Variants in CTNNA3 observed in about 807,000 individuals in gnomAD.
CTNNA3 encodes catenin alpha 3.
A neutral mutation model predicts 95.7 loss-of-function variants in CTNNA3; 76 were observed. That is an observed-to-expected ratio of 0.79 (90% CI 0.66 to 0.96). The LOEUF is 0.96. CTNNA3 is among the 40% of genes least tolerant of loss of function. CTNNA3 has a pLI of 0.00. For missense variants in CTNNA3, 1,191 were observed against 1,089.8 expected (o/e 1.09, Z -1.31); for synonymous variants, 431 against 374.4 (o/e 1.15, Z -1.74).
chr10:67,046,967 GA>G (rs1246544156), intron 7 of CTNNA3, among the ~76,000 whole-genome samples: 2 of 152,192 alleles, frequency 1.3e-5, no homozygotes, highest in Non-Finnish European at 2.9e-5. Flanking sequence ...AATTTAGAAA[GA>G]GGGTACAGAG....
chr10:67,431,205 A>C (rs1327465380), intron 5 of CTNNA3, among the ~76,000 whole-genome samples: 1 of 152,036 alleles, frequency 6.6e-6, no homozygotes, highest in Admixed American at 6.6e-5. Context: ...TGAAGGAACA[A>C]GTACATCCCA....
At chr10:67,294,304 A>C (rs898743732) in intron 5 of CTNNA3, among the ~76,000 whole-genome samples, 2 of 152,208 alleles carry the variant, frequency 1.3e-5, no homozygotes, top group Non-Finnish European at 2.9e-5. Context: ...CACAAGATAT[A>C]GGTGGGGAAA....
chr10:66,209,745 T>C (rs2088011508), intron 13 of CTNNA3, among the ~76,000 whole-genome samples: 4 of 152,182 alleles, frequency 2.6e-5, no homozygotes, highest in Non-Finnish European at 4.4e-5. Flanking sequence ...TTTCTGCTTA[T>C]AAAGAAATCT....
intron 13 of CTNNA3, among the ~76,000 whole-genome samples, chr10:66,271,226 A>G (rs996798472): frequency 6.6e-6 from 1 of 152,208 alleles, no homozygotes; most frequent in Non-Finnish European, 1.5e-5. Context: ...TACTGGAGTT[A>G]TAAAATTCCC....
chr10:67,208,347 C>T (rs1244852444), intron 6 of CTNNA3, among the ~76,000 whole-genome samples: 1 of 145,800 alleles, frequency 6.9e-6, no homozygotes, highest in Non-Finnish European at 1.5e-5. Context: ...CCACTGCACT[C>T]CAGCCTGGGT....
intron 11 of CTNNA3, among the ~76,000 whole-genome samples, chr10:66,389,723 TGGAGAG>T (rs1250353991): frequency 4.1e-5 from 4 of 98,152 alleles, no homozygotes; most frequent in African/African-American, 1.6e-4. Context: ...TATATATATA[TGGAGAG>T]AGAGAGAGAG....
chr10:67,141,752 T>C (rs1474823154), intron 7 of CTNNA3, among the ~76,000 whole-genome samples: 1 of 152,220 alleles, frequency 6.6e-6, no homozygotes, highest in African/African-American at 2.4e-5. Context: ...CCTGTTTTTA[T>C]GGGATATATA....
chr10:66,996,030 C>T lies in CTNNA3; in HGVS notation c.1047+184287G>A, dbSNP rs115036564. On this transcript the variant is annotated intron_variant, in intron 7 of 17. Transcript: ENST00000433211. ...CAATCACTTGTAAATTATTTTAGTA[C>T]GCTTTATTTTACCTACTTATTTACA... 6.9e-3 allele frequency among the ~76,000 whole-genome samples: 1,051 copies of T among 152,166 alleles called. 10 individuals carry two copies. The highest frequency in any genetic ancestry group is 0.024 in the African/African-American group (986 of 41,522).
At chr10:67,596,548 TG>T (rs1475248352) in intron 3 of CTNNA3, among the ~76,000 whole-genome samples, 1 of 152,218 alleles carries the variant, frequency 6.6e-6, no homozygotes, top group African/African-American at 2.4e-5. Context: ...ATGAACTTCC[TG>T]GTTGGAATTT....
intron 9 of CTNNA3, among the ~76,000 whole-genome samples, chr10:66,674,559 C>G (rs756756306): frequency 4.6e-5 from 7 of 151,484 alleles, no homozygotes; most frequent in Non-Finnish European, 8.8e-5. Flanking sequence ...TGTGTTTGCT[C>G]TTTTACAGAG....
intron 14 of CTNNA3, among the ~76,000 whole-genome samples, chr10:66,085,645 C>G (rs938466341): frequency 6.6e-6 from 1 of 152,056 alleles, no homozygotes; most frequent in Non-Finnish European, 1.5e-5. Context: ...AAAAAATTCT[C>G]AAAGAATCTA....
chr10:66,848,817 A>T (rs1432819505), intron 7 of CTNNA3, among the ~76,000 whole-genome samples: 1 of 152,176 alleles, frequency 6.6e-6, no homozygotes, highest in Admixed American at 6.6e-5. Flanking sequence ...TGCAATATTA[A>T]TTCTGGAAAA....
At chr10:67,234,755 T>C (rs903597662) in intron 5 of CTNNA3, among the ~76,000 whole-genome samples, 2 of 152,126 alleles carry the variant, frequency 1.3e-5, no homozygotes, top group Non-Finnish European at 2.9e-5. Context: ...ATTGTATATC[T>C]AGAAAACCCC....
chr10:66,337,070 C>G (rs1457597272), intron 12 of CTNNA3, among the ~76,000 whole-genome samples: 2 of 151,938 alleles, frequency 1.3e-5, no homozygotes, highest in Non-Finnish European at 2.9e-5. Flanking sequence ...AAATGCTACT[C>G]TTCTCATTAT....
intron 1 of CTNNA3, among the ~76,000 whole-genome samples, chr10:67,689,499 C>T (rs1840800059): frequency 6.6e-6 from 1 of 152,068 alleles, no homozygotes; most frequent in Non-Finnish European, 1.5e-5. Context: ...AGTGGACTAG[C>T]CTCAGAGAAG....
chr10:66,187,025 G>T (rs1192132149), intron 13 of CTNNA3, among the ~76,000 whole-genome samples: 1 of 152,090 alleles, frequency 6.6e-6, no homozygotes, highest in Non-Finnish European at 1.5e-5. Context: ...GCAGTTCAAC[G>T]ATCATAGTAA....
chr10:67,539,928 A>G (rs1840618417), intron 3 of CTNNA3, among the ~76,000 whole-genome samples: 1 of 152,170 alleles, frequency 6.6e-6, no homozygotes. Context: ...ATCTAGTAAA[A>G]TTGCTGCCAA....
chr10:66,304,473 G>A (rs1198368683), intron 12 of CTNNA3, among the ~76,000 whole-genome samples: 1 of 151,870 alleles, frequency 6.6e-6, no homozygotes, highest in African/African-American at 2.4e-5. Context: ...AGAAGAAAGA[G>A]AAAAAGAGGA....
intron 7 of CTNNA3, among the ~76,000 whole-genome samples, chr10:66,872,659 A>T (rs1186474249): frequency 6.7e-6 from 1 of 148,508 alleles, no homozygotes; most frequent in Non-Finnish European, 1.5e-5. Flanking sequence ...ACAGAACGAG[A>T]CCCCGTCTCA....
Sources: gnomAD v4.1 joint callset for allele counts (sites outside exome capture counted in the v4.1 genomes callset) on GRCh38, gnomAD v4.1.1 for gene constraint, MANE v1.5 for transcripts, NCBI Gene and HGNC (gene_info 2026-07-23, HGNC 2026-07-21) for gene names.